Variants in BMX observed in about 807,000 individuals in gnomAD.
BMX encodes the protein cytoplasmic tyrosine-protein kinase BMX.
BMX carries 31 observed loss-of-function variants against 59.2 expected under a neutral mutation model. That is an observed-to-expected ratio of 0.52 (90% CI 0.39 to 0.71). BMX has a LOEUF of 0.71. BMX is among the 30% of genes least tolerant of loss of function. The pLI is 0.00. For synonymous variants in BMX, 185 were observed against 181.0 expected (o/e 1.02, Z -0.18); for missense variants, 474 against 491.7 (o/e 0.96, Z 0.34).
In BMX at chrX:15,511,476, A is replaced by G. The variant is rs369144737; in HGVS notation, c.283A>G (p.Asn95Asp). ...TGGGCTTCTCTATGTCTATGCATCA[A>G]ATGAAGAGAGCCGAAGTCAGTGGTT... ...KDGLLYVYAS[N>D]EESRSQWLKA... Residue 95 changes from asparagine to aspartate, a missense_variant, in exon 4 of 19, where the codon AAT becomes GAT. By Grantham distance (23) the Asn-to-Asp change is conservative. Transcript: ENST00000348343. 2.9e-5 allele frequency: 35 copies of G among 1,205,294 alleles called. No individual in the cohort carries two copies. Among genetic ancestry groups the G allele is most frequent in the African/African-American group, 3.5e-5 (2 of 56,927 alleles).
chrX:15,526,578 C>A (rs1024986528), intron 9 of BMX, among the ~76,000 whole-genome samples: 1 of 102,855 alleles, frequency 9.7e-6, no homozygotes, highest in Non-Finnish European at 2.0e-5. Flanking sequence ...TTAGGATGAC[C>A]TTGTCATTTT....
rs34046926 is a variant in BMX at position 15,527,247 on chromosome X, AATATATATATATAT to A, written c.884+1176_884+1189del. On this transcript the variant is annotated intron_variant, in intron 9 of 18. Coordinates refer to ENST00000348343, the MANE Select transcript of BMX (RefSeq NM_203281.3). The stretch of plus-strand genomic sequence containing the variant: ...ACAAACACACACACACACACACACA[AATATATATATATAT>A]ATATATATATATATATATATATACA... Among the ~76,000 whole-genome samples the A allele has an allele frequency of 3.5e-3, 197 of 56,346 alleles. 2 individuals carry two copies. The highest frequency in any genetic ancestry group is 0.023 in the South Asian group (20 of 857). 48.9% of individuals were successfully genotyped at this position (56,346 alleles called of 115,157 possible).
At chrX:15,527,247 A>AATATATATATATATAT (rs34046926) in intron 9 of BMX, among the ~76,000 whole-genome samples, 3 of 56,360 alleles carry the variant, frequency 5.3e-5, no homozygotes, top group Non-Finnish European at 8.8e-5. Flanking sequence ...CACACACACA[A>AATATATATATATATAT]ATATATATAT....
intron 4 of BMX, among the ~76,000 whole-genome samples, chrX:15,515,751 C>T (rs1337990170): frequency 9.0e-6 from 1 of 111,315 alleles, no homozygotes; most frequent in Non-Finnish European, 1.9e-5. Context: ...TTTAGCCCCA[C>T]CCTTCCCCTT....
In BMX at chrX:15,549,466, T is replaced by C. The variant is rs1029147366; in HGVS notation, c.1796-374T>C. 4.5e-5 allele frequency among the ~76,000 whole-genome samples: 5 copies of C among 111,608 alleles called. No individual in the cohort carries two copies. The Admixed American group carries it at 4.7e-4, about 11-fold the overall frequency. Reference sequence around the variant, plus strand: ...GACATCAACCACTCATTCATAAGGGTTGGGGCAGGGGCTCACTACACAGGT... The same window carrying C: ...GACATCAACCACTCATTCATAAGGGCTGGGGCAGGGGCTCACTACACAGGT... On this transcript the variant is annotated intron_variant, in intron 17 of 18. Coordinates refer to ENST00000348343, the MANE Select transcript of BMX (RefSeq NM_203281.3).
chrX:15,547,964 G>A (rs944508303), intron 17 of BMX, among the ~76,000 whole-genome samples: 1 of 111,143 alleles, frequency 9.0e-6, no homozygotes, highest in Non-Finnish European at 1.9e-5. Context: ...CCTTTGAAAA[G>A]GGGAAAATTT....
chrX:15,514,922 A>C (rs1352683453), intron 4 of BMX, among the ~76,000 whole-genome samples: 2 of 111,831 alleles, frequency 1.8e-5, no homozygotes, highest in Non-Finnish European at 3.8e-5. Context: ...TATTGGAATA[A>C]TTAGAAAAAT....
chrX:15,517,548 A>C (rs1924218371), intron 5 of BMX, among the ~76,000 whole-genome samples: 1 of 112,350 alleles, frequency 8.9e-6, no homozygotes, highest in Non-Finnish European at 1.9e-5. Flanking sequence ...CTCTGAGGAA[A>C]ACTACAGAGT....
Position 15,534,210 on chromosome X carries a change from A to G in BMX, c.1020-2A>G, listed in dbSNP as rs1026001410. On this transcript the variant is annotated splice_acceptor_variant, in intron 11 of 18. Transcript: ENST00000348343. LOFTEE classifies it high-confidence loss of function. ...ATGTTCTAACATTCTTTCTGTTACT[A>G]GTGATAAAAAAGGAACTGTCAAACA... 6.1e-6 allele frequency: 7 copies of G among 1,149,191 alleles called. No individual in the cohort carries two copies. Among genetic ancestry groups the G allele is most frequent in the Non-Finnish European group, 8.1e-6 (7 of 860,603 alleles). The allele number at this position is 1,149,191 out of a possible 1,213,427, so 94.7% of individuals were successfully genotyped here.
intron 16 of BMX, 89 bp from the exon 17 acceptor site, chrX:15,546,714 A>G: frequency 1.4e-6 from 1 of 697,070 alleles, no homozygotes; most frequent in Non-Finnish European, 2.2e-6. Context: ...AACTGAGGCA[A>G]TCGACTGAGA....
At chrX:15,553,562 T>C (rs1205873089) in intron 18 of BMX, among the ~76,000 whole-genome samples, 4 of 111,876 alleles carry the variant, frequency 3.6e-5, no homozygotes, top group African/African-American at 1.3e-4. Flanking sequence ...TCCTGTAAGT[T>C]CAAATTTATG....
intron 1 of BMX, among the ~76,000 whole-genome samples, chrX:15,506,448 A>C (rs1433244192): frequency 8.9e-6 from 1 of 112,231 alleles, no homozygotes; most frequent in Non-Finnish European, 1.9e-5. Context: ...AAGAGTTTTC[A>C]CAGTTTTCTC....
In BMX at chrX:15,500,944, C is replaced by A; in HGVS notation, c.-10+4C>A. 1.3e-6 allele frequency: 1 copy of A among 754,392 alleles called. No individual in the cohort carries two copies. The highest frequency in any genetic ancestry group is 1.6e-6 in the Non-Finnish European group (1 of 639,433). The allele number at this position is 754,392 out of a possible 1,213,427, so 62.2% of individuals were successfully genotyped here. ...AAGCACGGAACAAGCTGAGACGGTGCGTTTAAGCGGCAGGTGGCTACTCAG... is the reference window on the plus strand; with the variant it reads ...AAGCACGGAACAAGCTGAGACGGTGAGTTTAAGCGGCAGGTGGCTACTCAG... On this transcript the variant is annotated splice_donor_region_variant and intron_variant, in intron 1 of 18. Transcript: ENST00000348343.
chrX:15,551,383 CTAT>C (rs1203714913), intron 18 of BMX, among the ~76,000 whole-genome samples: 3 of 110,760 alleles, frequency 2.7e-5, no homozygotes, highest in Non-Finnish European at 3.8e-5. Flanking sequence ...TACAAACCTC[CTAT>C]TATTATCTCT....
rs546935316 is a variant in BMX at position 15,514,222 on chromosome X, C to T, written c.326-1890C>T. ...ATTTGGAACCAAAATCAGAAACTTA[C>T]GTTTTATAATTTTAACTCTTTTTGC... On this transcript the variant is annotated intron_variant, in intron 4 of 18. Transcript: ENST00000348343. 3.4e-4 allele frequency among the ~76,000 whole-genome samples: 38 copies of T among 112,059 alleles called. No individual in the cohort carries two copies. The South Asian group carries it at 0.014, about 40-fold the overall frequency.
intron 9 of BMX, among the ~76,000 whole-genome samples, chrX:15,527,748 C>G (rs1353338575): frequency 8.9e-6 from 1 of 111,813 alleles, no homozygotes; most frequent in Non-Finnish European, 1.9e-5. Context: ...CTAGCCATAC[C>G]TGTTGCATTG....
chrX:15,511,318 C>A, intron 3 of BMX, 119 bp from the exon 4 acceptor site: 1 of 457,440 alleles, frequency 2.2e-6, no homozygotes, highest in Non-Finnish European at 3.5e-6. Context: ...AATTCCAGAG[C>A]TGATGTATAC....
Position 15,556,269 on chromosome X carries a change from G to A in BMX, c.*122G>A. 3.4e-6 allele frequency: 2 copies of A among 596,052 alleles called. No homozygotes were observed. The highest frequency in any genetic ancestry group is 4.9e-6 in the Non-Finnish European group (2 of 407,461). 49.1% of individuals were successfully genotyped at this position (596,052 alleles called of 1,213,427 possible). On this transcript the variant is annotated 3_prime_UTR_variant, in exon 19 of 19. Transcript: ENST00000348343. ...AGTTTTTAATAGTGTTCTCTGTATT[G>A]TCTATTATTTAGAAATGAACAAGGC...
At chrX:15,517,903 T>G in intron 5 of BMX, 26 bp from the exon 6 acceptor site, 2 of 1,167,847 alleles carry the variant, frequency 1.7e-6, no homozygotes, top group Non-Finnish European at 2.3e-6. Flanking sequence ...AAGTTCCTTC[T>G]GATATTACTT....
Sources: gnomAD v4.1 joint callset for allele counts (sites outside exome capture counted in the v4.1 genomes callset) on GRCh38, gnomAD v4.1.1 for gene constraint, MANE v1.5 for transcripts, NCBI Gene and HGNC (gene_info 2026-07-23, HGNC 2026-07-21) for gene names.